C2CD5: variants seen among roughly 807,000 people sequenced by gnomAD.
C2CD5 encodes C2 domain-containing protein 5.
In C2CD5, 109 loss-of-function variants were observed where a neutral mutation model predicts 130.3. The ratio of observed to expected loss-of-function variants is 0.84; its 90% CI spans 0.72 to 0.98. The LOEUF (loss-of-function observed/expected upper bound fraction) is 0.98. Among genes scored for constraint, C2CD5 ranks in the 50% least tolerant of loss-of-function variants. C2CD5 has a pLI of 0.00. For synonymous variants in C2CD5, 454 were observed against 429.2 expected (o/e 1.06, Z -0.71); for missense variants, 996 against 1,261.8 (o/e 0.79, Z 3.19).
rs371048798 is a variant in C2CD5, at chr12:22,472,075, G to A, written c.2170-10C>T. On this transcript the variant is annotated splice_polypyrimidine_tract_variant and intron_variant, in intron 18 of 26. Transcript: ENST00000446597. ...TTACTGAAGTGAACATCTAAATGTG[G>A]GGTGACATAACATGTCATTTTATTA... 1.4e-6 allele frequency: 2 copies of A among 1,431,290 alleles called. No individual in the cohort carries two copies. Among genetic ancestry groups the A allele is most frequent in the African/African-American group, 2.8e-5 (2 of 70,414 alleles). 88.7% of individuals were successfully genotyped at this position (1,431,290 alleles called of 1,614,324 possible).
rs778331577 is a variant in C2CD5, at chr12:22,457,033, T to G, written c.2815A>C (p.Ile939Leu). The G allele has an allele frequency of 3.1e-6, 5 of 1,608,836 alleles. No homozygotes were observed. The highest frequency in any genetic ancestry group is 1.7e-4 in the Middle Eastern group (1 of 6,042). ...TPLSFIPGAK[I>L]TKYLGIINMF... ...TTAATTATCCCAAGATACTTAGTTATTTTTGCTCCAGGAATAAAAGAAAGA... is the reference window on the plus strand; with the variant it reads ...TTAATTATCCCAAGATACTTAGTTAGTTTTGCTCCAGGAATAAAAGAAAGA... Residue 939 changes from isoleucine (I) to leucine (L), a missense_variant, in exon 25 of 27, where the codon ATA (isoleucine) becomes CTA (leucine). Physicochemically the swap from Ile to Leu is conservative, Grantham distance 5. Coordinates refer to ENST00000446597, the MANE Select transcript of C2CD5 (RefSeq NM_001286176.2).
intron 10 of C2CD5, among the ~76,000 whole-genome samples, chr12:22,506,430 A>C (rs915874872): frequency 6.6e-6 from 1 of 152,192 alleles, no homozygotes; most frequent in Admixed American, 6.5e-5. Flanking sequence ...AATTTATAAA[A>C]ATGTTTATCT....
chr12:22,460,912 A>C (rs1353585384), intron 22 of C2CD5, among the ~76,000 whole-genome samples: 3 of 152,102 alleles, frequency 2.0e-5, no homozygotes, highest in Non-Finnish European at 4.4e-5. Flanking sequence ...CCACTAGCTA[A>C]TCCTGTAACA....
chr12:22,536,714 T>G (rs1375749291), intron 2 of C2CD5, among the ~76,000 whole-genome samples: 2 of 152,172 alleles, frequency 1.3e-5, no homozygotes, highest in Admixed American at 6.5e-5. Context: ...TGACAGCAAT[T>G]ATCTCTGAAG....
At chr12:22,509,624 C>A in intron 9 of C2CD5, among the ~76,000 whole-genome samples, 1 of 152,216 alleles carries the variant, frequency 6.6e-6, no homozygotes, top group Admixed American at 6.5e-5. Flanking sequence ...AGAGCTACTG[C>A]TGAAATCTAT....
In C2CD5 at chr12:22,525,689, G is replaced by A. The variant is rs769383864; in HGVS notation, c.366C>T (p.Ile122=). Residue 122 remains isoleucine (I), a synonymous_variant, in exon 5 of 27, where the codon ATC becomes ATT. Coordinates refer to ENST00000446597, the MANE Select transcript of C2CD5 (RefSeq NM_001286176.2). Reference sequence around the variant, plus strand: ...AGAGGTCTACTTTGACAACTACATTGATTTCCCCACGGATACCTATAAATT... The same window carrying A: ...AGAGGTCTACTTTGACAACTACATTAATTTCCCCACGGATACCTATAAATT... ...YDTIHGIRGE[I]NVVVKVDLFN... 24 of 1,547,326 alleles carry A rather than the reference G, an allele frequency of 1.6e-5. No homozygotes were observed. Among genetic ancestry groups the A allele is most frequent in the Non-Finnish European group, 1.7e-5 (19 of 1,119,988 alleles).
intron 22 of C2CD5, among the ~76,000 whole-genome samples, chr12:22,467,172 T>C (rs1942215200): frequency 6.6e-6 from 1 of 151,750 alleles, no homozygotes; most frequent in Non-Finnish European, 1.5e-5. Context: ...TGAAATCATT[T>C]TTTATTCTGT....
chr12:22,478,092 AG>A, intron 15 of C2CD5: 1 of 504,108 alleles, frequency 2.0e-6, no homozygotes, highest in Non-Finnish European at 3.6e-6. Context: ...GAAAAGTCAT[AG>A]GAAGTGGCAA....
At chr12:22,543,635 G>C (rs1247506378) in intron 2 of C2CD5, among the ~76,000 whole-genome samples, 2 of 151,944 alleles carry the variant, frequency 1.3e-5, no homozygotes. Context: ...AGTGGCTGCG[G>C]GGCCACACCT....
At chr12:22,457,973 T>C (rs1565643498) in intron 24 of C2CD5, among the ~76,000 whole-genome samples, 1 of 152,180 alleles carries the variant, frequency 6.6e-6, no homozygotes, top group Non-Finnish European at 1.5e-5. Context: ...TAATGTACGG[T>C]AAGCTCTTTC....
chr12:22,543,983 G>C (rs1175530527), intron 2 of C2CD5, 78 bp downstream of exon 2: 1 of 1,107,608 alleles, frequency 9.0e-7, no homozygotes, highest in Non-Finnish European at 1.4e-6. Context: ...ATAGGCTGAG[G>C]GGCTGGGGGC....
At chr12:22,537,413 G>C (rs1469801104) in intron 2 of C2CD5, among the ~76,000 whole-genome samples, 2 of 151,958 alleles carry the variant, frequency 1.3e-5, no homozygotes, top group Non-Finnish European at 2.9e-5. Flanking sequence ...AACAAATAAA[G>C]GACAAGAAAC....
intron 10 of C2CD5, among the ~76,000 whole-genome samples, chr12:22,495,330 A>C (rs548711784): frequency 3.2e-4 from 49 of 152,230 alleles, no homozygotes; most frequent in African/African-American, 1.1e-3. Context: ...ATCCATAAAC[A>C]GTGTTTTAGA....
intron 11 of C2CD5, among the ~76,000 whole-genome samples, chr12:22,490,545 T>C (rs1014352146): frequency 2.6e-5 from 4 of 152,164 alleles, no homozygotes; most frequent in Non-Finnish European, 5.9e-5. Flanking sequence ...ATTGTATTGC[T>C]GAATCTAGCA....
At position 22,482,492 on chromosome 12, in the gene C2CD5, A is replaced by C. The variant is rs904144300; in HGVS notation, c.1737+65T>G. 5 of 1,330,842 alleles carry C rather than the reference A, an allele frequency of 3.8e-6. No individual in the cohort carries two copies. The African/African-American group carries it at 5.9e-5, about 16-fold the overall frequency. 82.4% of individuals were successfully genotyped at this position (1,330,842 alleles called of 1,614,324 possible). ...AGCCTTTGAAAAGACTATTTGAATCACATAACATAGAATCTACTATAATTA... is the reference window on the plus strand; with the variant it reads ...AGCCTTTGAAAAGACTATTTGAATCCCATAACATAGAATCTACTATAATTA... On this transcript the variant is annotated intron_variant, in intron 14 of 26. Transcript: ENST00000446597.
intron 14 of C2CD5, among the ~76,000 whole-genome samples, chr12:22,479,320 T>G (rs1944361907): frequency 6.6e-6 from 1 of 152,044 alleles, no homozygotes; most frequent in South Asian, 2.1e-4. Flanking sequence ...TTGATCCGCC[T>G]GCCTTGGCCT....
chr12:22,473,424 C>T (rs946844210), intron 16 of C2CD5, among the ~76,000 whole-genome samples: 16 of 152,152 alleles, frequency 1.1e-4, no homozygotes, highest in African/African-American at 3.6e-4. Flanking sequence ...TTCCACTTCA[C>T]GTGGCTACCC....
chr12:22,485,476 C>T (rs1330067675), intron 12 of C2CD5, among the ~76,000 whole-genome samples: 2 of 150,950 alleles, frequency 1.3e-5, no homozygotes, highest in African/African-American at 4.9e-5. Context: ...AGGTACCCCC[C>T]AAAATTAAAA....
chr12:22,497,295 G>C (rs911208839), intron 10 of C2CD5, among the ~76,000 whole-genome samples: 1 of 152,052 alleles, frequency 6.6e-6, no homozygotes, highest in Non-Finnish European at 1.5e-5. Flanking sequence ...GAGAGAACTT[G>C]AAATGTTCCC....
Sources: allele counts gnomAD v4.1 joint callset (sites outside exome capture counted in the v4.1 genomes callset), GRCh38; gene constraint gnomAD v4.1.1; transcripts MANE v1.5; gene names NCBI Gene and HGNC (gene_info 2026-07-23, HGNC 2026-07-21).